Variants in CAPRIN1 observed in about 807,000 individuals in gnomAD.
CAPRIN1 encodes cell cycle associated protein 1.
Under a neutral mutation model 100.9 loss-of-function variants are expected in CAPRIN1, and 29 were observed. The ratio of observed to expected loss-of-function variants is 0.29; its 90% CI spans 0.21 to 0.39. The LOEUF (loss-of-function observed/expected upper bound fraction) is 0.39. Ranked by LOEUF, CAPRIN1 falls within the 10% of genes least tolerant of loss-of-function variation. The pLI is 1.00. For synonymous variants in CAPRIN1, 338 were observed against 307.5 expected (o/e 1.10, Z -1.04); for missense variants, 795 against 876.7 (o/e 0.91, Z 1.18).
At chr11:34,055,034 AAAAT>A (rs1216776388) in intron 2 of CAPRIN1, among the ~76,000 whole-genome samples, 1 of 152,190 alleles carries the variant, frequency 6.6e-6, no homozygotes, top group Non-Finnish European at 1.5e-5. Flanking sequence ...TTCTGAAAAA[AAAAT>A]ATAAATCTAG....
intron 2 of CAPRIN1, among the ~76,000 whole-genome samples, chr11:34,061,031 A>G (rs577494357): frequency 1.3e-5 from 2 of 152,282 alleles, no homozygotes; most frequent in South Asian, 2.1e-4. Context: ...AGCTGCTTCA[A>G]TTCACTCAGA....
At chr11:34,094,046 A>T (rs922937526) in intron 15 of CAPRIN1, among the ~76,000 whole-genome samples, 2 of 152,252 alleles carry the variant, frequency 1.3e-5, no homozygotes, top group South Asian at 4.1e-4. Flanking sequence ...ATACAGCATG[A>T]TGTGTTGAAA....
chr11:34,075,354 TGA>T (rs1349331688), intron 4 of CAPRIN1, among the ~76,000 whole-genome samples: 1 of 152,200 alleles, frequency 6.6e-6, no homozygotes, highest in Admixed American at 6.5e-5. Context: ...CCATGGCTTT[TGA>T]GAAGACTAGC....
chr11:34,058,994 G>A (rs747477890), intron 2 of CAPRIN1, among the ~76,000 whole-genome samples: 1 of 152,202 alleles, frequency 6.6e-6, no homozygotes, highest in Non-Finnish European at 1.5e-5. Flanking sequence ...ATAGAAGAGT[G>A]AGAGGAGTAG....
At chr11:34,097,546 C>T in intron 17 of CAPRIN1, 152 bp from the exon 18 acceptor site, 1 of 803,278 alleles carries the variant, frequency 1.2e-6, no homozygotes, top group Non-Finnish European at 2.0e-6. Context: ...AGAAGTACAA[C>T]AATTACAGAA....
At chr11:34,082,098 C>T (rs967177578) in intron 7 of CAPRIN1, among the ~76,000 whole-genome samples, 6 of 152,236 alleles carry the variant, frequency 3.9e-5, no homozygotes, top group Non-Finnish European at 5.9e-5. Context: ...AGGCGTGAGC[C>T]AGCGCGCCTG....
At chr11:34,073,752 T>C (rs968839247) in intron 4 of CAPRIN1, among the ~76,000 whole-genome samples, 4 of 152,126 alleles carry the variant, frequency 2.6e-5, no homozygotes, top group African/African-American at 9.7e-5. Flanking sequence ...GAATTACTTA[T>C]TACATCTGAT....
rs1851450819 is a variant in CAPRIN1 at position 34,101,362 on chromosome 11, T to A, written c.*1995T>A. On this transcript the variant is annotated 3_prime_UTR_variant, in exon 19 of 19. Transcript: ENST00000341394. ...ATCCCTAGATGATGTATGCTTGCAG[T>A]CCTATATAAAACTAAATTTGCTATC... Among the ~76,000 whole-genome samples the A allele has an allele frequency of 6.6e-6, 1 of 152,194 alleles. No individual in the cohort carries two copies. Among genetic ancestry groups the A allele is most frequent in the Admixed American group, 6.5e-5 (1 of 15,288 alleles).
chr11:34,081,177 ATTTAC>A (rs1222744442), intron 7 of CAPRIN1, among the ~76,000 whole-genome samples: 12 of 151,474 alleles, frequency 7.9e-5, no homozygotes, highest in Admixed American at 2.6e-4. Context: ...ATGGCAAACT[ATTTAC>A]TTATTTGGAA....
At chr11:34,090,466 T>C in intron 13 of CAPRIN1, 63 bp from the exon 14 acceptor site, 1 of 1,553,520 alleles carries the variant, frequency 6.4e-7, no homozygotes, top group Non-Finnish European at 8.8e-7. Context: ...AGTACATCTG[T>C]TCACTTTTTG....
Position 34,052,493 on chromosome 11 carries a change from G to A in CAPRIN1, c.73G>A (p.Gly25Arg), listed in dbSNP as rs1483380312. 1.2e-6 allele frequency: 2 copies of A among 1,607,112 alleles called. No homozygotes were observed. Among genetic ancestry groups the A allele is most frequent in the Non-Finnish European group, 1.7e-6 (2 of 1,177,956 alleles). The change falls in exon 2 of 19, where the codon GGG becomes AGG. Residue 25 changes from glycine to arginine, a missense_variant. By Grantham distance (125) the Gly-to-Arg change is moderately radical. Coordinates refer to ENST00000341394, the MANE Select transcript of CAPRIN1 (RefSeq NM_005898.5). ...ACCGCCACCGCCGTCGGGTTCCTCC[G>A]GGAGTGAGGCGGCCGCGGGAGCCGG... is the stretch of plus-strand genomic sequence containing the variant. ...SGPPPPSGSS[G>R]SEAAAGAGAA...
chr11:34,089,597 T>A, intron 12 of CAPRIN1, 141 bp downstream of exon 12: 1 of 398,776 alleles, frequency 2.5e-6, no homozygotes, highest in Non-Finnish European at 4.6e-6. Context: ...CGAGACACCA[T>A]CTCTATTTTA....
intron 4 of CAPRIN1, among the ~76,000 whole-genome samples, chr11:34,072,571 T>C (rs1850823865): frequency 6.6e-6 from 1 of 152,184 alleles, no homozygotes; most frequent in Non-Finnish European, 1.5e-5. Context: ...TATTCTCTGC[T>C]TTAGGAACCT....
intron 11 of CAPRIN1, among the ~76,000 whole-genome samples, chr11:34,088,754 A>G (rs967734830): frequency 1.3e-5 from 2 of 152,170 alleles, no homozygotes; most frequent in African/African-American, 4.8e-5. Context: ...TACAGCTTTA[A>G]AAGTCTTTTT....
rs142181293 is a variant in CAPRIN1 at position 34,102,112 on chromosome 11, A to G, written c.*2745A>G. Among the ~76,000 whole-genome samples, 261 of 152,300 alleles carry G rather than the reference A, an allele frequency of 1.7e-3. No homozygotes were observed. The highest frequency in any genetic ancestry group is 2.5e-3 in the Non-Finnish European group (167 of 68,018). On this transcript the variant is annotated 3_prime_UTR_variant, in exon 19 of 19. Transcript: ENST00000341394. ...AAGTATTTCTAATCAGTTAGCTTCT[A>G]CAGTTCTTTTGTCTCCTTTTATATG...
intron 2 of CAPRIN1, among the ~76,000 whole-genome samples, chr11:34,061,301 G>C (rs1850573802): frequency 6.8e-6 from 1 of 147,862 alleles, no homozygotes; most frequent in South Asian, 2.1e-4. Context: ...CTGCCTCCCA[G>C]GTTCAAGTGA....
rs529836430 is a variant in CAPRIN1, at chr11:34,079,849, A to T, written c.826+84A>T. On this transcript the variant is annotated intron_variant, in intron 7 of 18. Coordinates refer to ENST00000341394, the MANE Select transcript of CAPRIN1 (RefSeq NM_005898.5). ...ACAAATTTAAACTATACACTTACTT[A>T]GTTTTCATATATGTACACTAGATTT... 5.5e-6 allele frequency: 7 copies of T among 1,273,276 alleles called. No individual in the cohort carries two copies. In the South Asian group the frequency reaches 7.3e-5, roughly 13 times the overall value. 78.9% of individuals were successfully genotyped at this position (1,273,276 alleles called of 1,614,324 possible). A position where few individuals can be genotyped will look rare whatever the true frequency, so the allele number is the denominator to read the frequency against.
chr11:34,087,624 C>T lies in CAPRIN1; in HGVS notation c.1231+1211C>T, dbSNP rs996047787. Among the ~76,000 whole-genome samples, 31 of 152,028 alleles carry T rather than the reference C, an allele frequency of 2.0e-4. 1 individual carries two copies. The highest frequency in any genetic ancestry group is 3.4e-4 in the Non-Finnish European group (23 of 68,008). On this transcript the variant is annotated intron_variant, in intron 11 of 18. Transcript: ENST00000341394. ...CTGGGATTACAGGCGTGAGCCACCG[C>T]GCCCGGCTCTCACATTTCTATCAAG...
intron 2 of CAPRIN1, among the ~76,000 whole-genome samples, chr11:34,068,003 T>A (rs372777623): frequency 6.6e-6 from 1 of 152,244 alleles, no homozygotes; most frequent in African/African-American, 2.4e-5. Flanking sequence ...GATTTTCTTA[T>A]GCACAAAGAT....
Sources: allele counts gnomAD v4.1 joint callset (sites outside exome capture counted in the v4.1 genomes callset), GRCh38; gene constraint gnomAD v4.1.1; transcripts MANE v1.5; gene names NCBI Gene and HGNC (gene_info 2026-07-23, HGNC 2026-07-21).